Variants in DAB1 observed in about 807,000 individuals in gnomAD.
DAB1 encodes the protein DAB adaptor protein 1.
Under a neutral mutation model 64.6 loss-of-function variants are expected in DAB1, and 15 were observed. The ratio of observed to expected loss-of-function variants is 0.23; its 90% CI spans 0.16 to 0.36. The LOEUF (loss-of-function observed/expected upper bound fraction) is 0.36, where lower values mean the gene tolerates loss of function less well. Ranked by LOEUF, DAB1 falls within the 10% of genes least tolerant of loss-of-function variation. The pLI, the probability that DAB1 is intolerant of heterozygous loss-of-function variation, is 1.00. For missense variants in DAB1, 596 were observed against 706.7 expected (o/e 0.84, Z 1.78); for synonymous variants, 235 against 251.9 (o/e 0.93, Z 0.64).
At position 57,908,129 on chromosome 1, in the gene DAB1, A is replaced by G. The variant is rs1289409062; in HGVS notation, n.388-23967T>C. 4.6e-5 allele frequency among the ~76,000 whole-genome samples: 7 copies of G among 151,640 alleles called. No individual in the cohort carries two copies. In the East Asian group the frequency reaches 1.4e-3, roughly 30 times the overall value. Reference sequence around the variant, plus strand: ...TCATTGTGCAGGGCATGACTAAACTATTTTCTCCTTCTTTTAACAGAATTG... The same window carrying G: ...TCATTGTGCAGGGCATGACTAAACTGTTTTCTCCTTCTTTTAACAGAATTG... On this transcript the variant is annotated intron_variant and non_coding_transcript_variant, in intron 5 of 20. Transcript: ENST00000485760.
intron 7 of DAB1, among the ~76,000 whole-genome samples, chr1:57,626,754 C>A (rs1645927789): frequency 6.6e-6 from 1 of 152,184 alleles, no homozygotes; most frequent in African/African-American, 2.4e-5. Flanking sequence ...CCCCACATGG[C>A]AGAAGAGGTG....
intron 2 of DAB1, among the ~76,000 whole-genome samples, chr1:58,517,230 A>G (rs1352492943): frequency 6.6e-6 from 1 of 152,140 alleles, no homozygotes; most frequent in East Asian, 1.9e-4. Context: ...CAAAGTCCTG[A>G]CCCCTATGCT....
At chr1:57,120,250 G>A (rs904774443) in intron 4 of DAB1, among the ~76,000 whole-genome samples, 6 of 152,064 alleles carry the variant, frequency 3.9e-5, no homozygotes, top group African/African-American at 9.7e-5. Flanking sequence ...AAATATATTA[G>A]TCTGATATAA....
chr1:57,900,323 G>A (rs1268188534), intron 5 of DAB1, among the ~76,000 whole-genome samples: 1 of 152,130 alleles, frequency 6.6e-6, no homozygotes, highest in Non-Finnish European at 1.5e-5. Flanking sequence ...GTATTGGGTG[G>A]ACCCAGGAGA....
intron 4 of DAB1, among the ~76,000 whole-genome samples, chr1:58,267,861 C>T (rs981527235): frequency 2.6e-5 from 4 of 152,140 alleles, no homozygotes; most frequent in Admixed American, 6.5e-5. Flanking sequence ...TTCCAAGAAA[C>T]CTTGCGTCCC....
At chr1:57,504,482 C>G (rs2691431) in intron 7 of DAB1, among the ~76,000 whole-genome samples, 11,872 of 152,090 alleles carry the variant, frequency 0.078, 1,445 homozygotes, top group African/African-American at 0.26. Context: ...TAAAAGAAAA[C>G]AGTATTAGAT....
At chr1:57,263,702 A>T (rs1670371222) in intron 2 of DAB1, among the ~76,000 whole-genome samples, 1 of 152,172 alleles carries the variant, frequency 6.6e-6, no homozygotes, top group Non-Finnish European at 1.5e-5. Context: ...ATTCTTCAGG[A>T]TTGGAGAGAA....
chr1:58,256,504 A>G (rs965165289), intron 4 of DAB1, among the ~76,000 whole-genome samples: 2 of 152,224 alleles, frequency 1.3e-5, no homozygotes, highest in African/African-American at 2.4e-5. Context: ...GAATTAGCAG[A>G]TGTTAAATTG....
intron 3 of DAB1, among the ~76,000 whole-genome samples, chr1:58,424,501 C>A (rs1218535501): frequency 6.6e-6 from 1 of 152,238 alleles, no homozygotes; most frequent in African/African-American, 2.4e-5. Context: ...ATGGCTCCCA[C>A]ATAGTGCAAT....
intron 1 of DAB1, among the ~76,000 whole-genome samples, chr1:57,376,724 A>T (rs1680926221): frequency 6.6e-6 from 1 of 152,240 alleles, no homozygotes; most frequent in Non-Finnish European, 1.5e-5. Flanking sequence ...GACTGGATGA[A>T]TGAACAGATG....
chr1:58,339,198 G>A (rs1318865778), intron 4 of DAB1, among the ~76,000 whole-genome samples: 4 of 152,164 alleles, frequency 2.6e-5, no homozygotes, highest in African/African-American at 9.7e-5. Context: ...AAAAAGTGCT[G>A]TGATGGAGTA....
intron 7 of DAB1, among the ~76,000 whole-genome samples, chr1:57,510,271 A>G (rs2793621): frequency 0.078 from 11,860 of 151,992 alleles, 1,440 homozygotes; most frequent in African/African-American, 0.26. Flanking sequence ...CCTCTCAGCC[A>G]GATTCCAGAG....
intron 5 of DAB1, among the ~76,000 whole-genome samples, chr1:57,891,811 C>G (rs1027629837): frequency 6.6e-6 from 1 of 151,714 alleles, no homozygotes; most frequent in African/African-American, 2.4e-5. Context: ...CACATGGACA[C>G]AGGGAGGGGA....
intron 2 of DAB1, among the ~76,000 whole-genome samples, chr1:57,276,066 A>G (rs1434399240): frequency 6.6e-6 from 1 of 152,262 alleles, no homozygotes; most frequent in Non-Finnish European, 1.5e-5. Context: ...TGATATGAGA[A>G]TAGCTTAAAT....
At chr1:57,264,240 A>G (rs988615900) in intron 2 of DAB1, among the ~76,000 whole-genome samples, 1 of 152,214 alleles carries the variant, frequency 6.6e-6, no homozygotes, top group African/African-American at 2.4e-5. Flanking sequence ...CACCTACTAG[A>G]CACAGAAAAT....
chr1:58,441,879 C>T (rs993083350), intron 3 of DAB1, among the ~76,000 whole-genome samples: 1 of 152,186 alleles, frequency 6.6e-6, no homozygotes. Context: ...GCTCCATCTT[C>T]TTTCTGACTG....
chr1:57,152,998 C>A lies in DAB1; in HGVS notation c.68-7569G>T, dbSNP rs558009693. 5.3e-5 allele frequency among the ~76,000 whole-genome samples: 8 copies of A among 151,996 alleles called. No individual in the cohort carries two copies. In the South Asian group the frequency reaches 1.7e-3, roughly 32 times the overall value. ...GATATATTTCTGTATAAATTACATA[C>A]ATGTACTACTGATAATCTATATATT... On this transcript the variant is annotated intron_variant, in intron 2 of 14. Coordinates refer to ENST00000371236, the MANE Select transcript of DAB1 (RefSeq NM_001365792.1).
At chr1:57,887,782 A>C (rs529499855), upstream of DAB1, among the ~76,000 whole-genome samples, 2 of 150,394 alleles carry the variant, frequency 1.3e-5, no homozygotes, top group East Asian at 3.9e-4. Flanking sequence ...ATCCCAAATG[A>C]ATATAATCTC....
chr1:57,274,475 G>C (rs534462471), intron 2 of DAB1, among the ~76,000 whole-genome samples: 26 of 152,292 alleles, frequency 1.7e-4, no homozygotes, highest in African/African-American at 6.0e-4. Context: ...CTGATGCATA[G>C]TAAGCGCTCA....
Sources: allele counts gnomAD v4.1 joint callset (sites outside exome capture counted in the v4.1 genomes callset), GRCh38; gene constraint gnomAD v4.1.1; transcripts MANE v1.5; gene names NCBI Gene and HGNC (gene_info 2026-07-23, HGNC 2026-07-21).